Variants in MEIOSIN observed in about 807,000 individuals in gnomAD.
The protein encoded by MEIOSIN is meiosis initiator protein.
A neutral mutation model predicts 23.4 loss-of-function variants in MEIOSIN; 18 were observed. The observed-to-expected ratio is 0.77, with a 90% CI of 0.53 to 1.14. The LOEUF is 1.14. Among genes scored for constraint, MEIOSIN ranks in the 50% most tolerant of loss-of-function variants. The pLI is 0.00. For missense variants in MEIOSIN, 428 were observed against 242.9 expected (o/e 1.76, Z -5.07); for synonymous variants, 187 against 100.6 (o/e 1.86, Z -5.14).
In MEIOSIN at chr19:45,761,679, G is replaced by GAC. The variant is rs1305254705; in HGVS notation, c.1250_1251dup (p.Ala418GlnfsTer29). Reference sequence around the variant, plus strand: ...ATCTTTCTCCCTCATCATGCCCCAGGACACAGCCTCCAAGGCCCCCAAAGA... The same window carrying GAC: ...ATCTTTCTCCCTCATCATGCCCCAGGACACACAGCCTCCAAGGCCCCCAAAGA... On this transcript the variant is annotated frameshift_variant and splice_region_variant, in exon 12 of 15. Transcript: ENST00000457052. LOFTEE classifies it high-confidence loss of function. 1 of 702,390 alleles carries GAC rather than the reference G, an allele frequency of 1.4e-6. No individual in the cohort carries two copies. Among genetic ancestry groups the GAC allele is most frequent in the African/African-American group, 1.7e-5 (1 of 57,164 alleles). The allele number at this position is 702,390 out of a possible 1,614,324, so 43.5% of individuals were successfully genotyped here. A position where few individuals can be genotyped will look rare whatever the true frequency, so the allele number is the denominator to read the frequency against.
intron 3 of MEIOSIN, among the ~76,000 whole-genome samples, chr19:45,743,173 C>CT (rs1010417642): frequency 6.6e-6 from 1 of 152,146 alleles, no homozygotes; most frequent in Non-Finnish European, 1.5e-5. Context: ...TTTCTAACCT[C>CT]TGTGTTTACC....
Position 45,762,120 on chromosome 19 carries a change from TGAA to T in MEIOSIN, c.1624_1626del (p.Lys542del), listed in dbSNP as rs751561276. ...AAGAAAGGCCCCTGCCCACCCCAGA[TGAA>T]GAAGAAGTGTGTCAACGGCTTCATC... On this transcript the variant is annotated inframe_deletion, in exon 13 of 15. Transcript: ENST00000457052. 50 of 435,906 alleles carry T rather than the reference TGAA, an allele frequency of 1.1e-4. No individual in the cohort carries two copies. The highest frequency in any genetic ancestry group is 9.5e-4 in the Admixed American group (24 of 25,316). The allele number at this position is 435,906 out of a possible 1,614,324, so 27.0% of individuals were successfully genotyped here. A position where few individuals can be genotyped will look rare whatever the true frequency, so the allele number is the denominator to read the frequency against.
At chr19:45,753,185 C>T (rs955634210) in intron 5 of MEIOSIN, among the ~76,000 whole-genome samples, 6 of 152,084 alleles carry the variant, frequency 3.9e-5, no homozygotes, top group African/African-American at 9.7e-5. Context: ...GTGATCTAGA[C>T]GGGACAATTA....
chr19:45,745,587 C>T (rs1362988269), intron 4 of MEIOSIN, among the ~76,000 whole-genome samples: 1 of 152,190 alleles, frequency 6.6e-6, no homozygotes, highest in African/African-American at 2.4e-5. Flanking sequence ...ATCAAATAGC[C>T]ATGGGTTTGA....
At chr19:45,763,830 G>A in intron 14 of MEIOSIN, 141 bp from the exon 15 acceptor site, 1 of 397,588 alleles carries the variant, frequency 2.5e-6, no homozygotes, top group Non-Finnish European at 4.4e-6. Flanking sequence ...CTTACTGACT[G>A]GGACTTGGTG....
At chr19:45,761,424 T>TTTA (rs1968939348) in intron 11 of MEIOSIN, among the ~76,000 whole-genome samples, 1 of 11,086 alleles carries the variant, frequency 9.0e-5, no homozygotes, top group African/African-American at 5.1e-4. Context: ...GCCTGGCCTA[T>TTTA]TTTTTTTTTT....
At chr19:45,743,430 C>T (rs1968539522) in intron 3 of MEIOSIN, among the ~76,000 whole-genome samples, 1 of 152,136 alleles carries the variant, frequency 6.6e-6, no homozygotes, top group African/African-American at 2.4e-5. Context: ...TTAAGCTCAG[C>T]CTACTCAATT....
intron 4 of MEIOSIN, among the ~76,000 whole-genome samples, chr19:45,747,483 C>T (rs1018122509): frequency 6.6e-6 from 1 of 152,136 alleles, no homozygotes; most frequent in African/African-American, 2.4e-5. Context: ...TCCTTGTTTC[C>T]GACCTCCTTC....
intron 4 of MEIOSIN, among the ~76,000 whole-genome samples, chr19:45,749,399 A>G: frequency 7.3e-6 from 1 of 136,954 alleles, no homozygotes; most frequent in Non-Finnish European, 1.6e-5. Flanking sequence ...AAAAAGGCCG[A>G]GCGCAGTGGC....
At chr19:45,754,812 G>C in intron 7 of MEIOSIN, 88 bp downstream of exon 7, 1 of 669,380 alleles carries the variant, frequency 1.5e-6, no homozygotes, top group Non-Finnish European at 2.7e-6. Flanking sequence ...AGTACCCGTA[G>C]TGGGGGCTGC....
At chr19:45,741,815 G>C (rs376542041) in intron 3 of MEIOSIN, among the ~76,000 whole-genome samples, 33 of 151,932 alleles carry the variant, frequency 2.2e-4, no homozygotes, top group East Asian at 9.6e-4. Flanking sequence ...ACAATATAGA[G>C]AGACCGCGTC....
chr19:45,736,595 C>T (rs1191976203), intron 2 of MEIOSIN, among the ~76,000 whole-genome samples: 5 of 151,928 alleles, frequency 3.3e-5, no homozygotes, highest in African/African-American at 1.2e-4. Flanking sequence ...TCTTGGACTC[C>T]TGACCTCGCG....
At chr19:45,759,081 C>G (rs535819166) in intron 10 of MEIOSIN, 48 bp downstream of exon 10, 6 of 702,160 alleles carry the variant, frequency 8.5e-6, no homozygotes, top group Non-Finnish European at 1.6e-5. Flanking sequence ...GGGAAACATA[C>G]GGTGCCCAGG....
At chr19:45,741,939 C>T (rs1968513445) in intron 3 of MEIOSIN, among the ~76,000 whole-genome samples, 1 of 151,446 alleles carries the variant, frequency 6.6e-6, no homozygotes, top group East Asian at 2.0e-4. Flanking sequence ...ATGGCACGAT[C>T]TCGGTTGCTC....
chr19:45,740,564 C>A (rs1968484383), intron 3 of MEIOSIN, among the ~76,000 whole-genome samples: 1 of 152,056 alleles, frequency 6.6e-6, no homozygotes, highest in African/African-American at 2.4e-5. Flanking sequence ...TCCTGGCCAA[C>A]ATGGTGAAAC....
chr19:45,762,926 C>T (rs1219954930), intron 13 of MEIOSIN, among the ~76,000 whole-genome samples: 3 of 152,336 alleles, frequency 2.0e-5, no homozygotes, highest in South Asian at 2.1e-4. Context: ...GGCACAGGCT[C>T]GGGTCCTGTC....
At chr19:45,740,536 G>A (rs1333650748) in intron 3 of MEIOSIN, among the ~76,000 whole-genome samples, 2 of 152,122 alleles carry the variant, frequency 1.3e-5, no homozygotes, top group Admixed American at 6.6e-5. Context: ...AGATCACGAG[G>A]TCAGGAGATT....
At chr19:45,738,728 C>T (rs966719244) in intron 2 of MEIOSIN, among the ~76,000 whole-genome samples, 2 of 152,142 alleles carry the variant, frequency 1.3e-5, no homozygotes, top group Non-Finnish European at 2.9e-5. Flanking sequence ...ATTGTAAAGT[C>T]GAAAAATGTT....
At chr19:45,740,202 A>G (rs1158258212) in intron 3 of MEIOSIN, among the ~76,000 whole-genome samples, 1 of 152,178 alleles carries the variant, frequency 6.6e-6, no homozygotes, top group African/African-American at 2.4e-5. Flanking sequence ...ACCAGGCACT[A>G]TACGAAACAC....
Sources: allele counts gnomAD v4.1 joint callset (sites outside exome capture counted in the v4.1 genomes callset), GRCh38; gene constraint gnomAD v4.1.1; transcripts MANE v1.5; gene names NCBI Gene and HGNC (gene_info 2026-07-23, HGNC 2026-07-21).